STMN2: variants seen among roughly 807,000 people sequenced by gnomAD.
The protein encoded by STMN2 is stathmin 2.
STMN2 carries 2 observed loss-of-function variants against 24.1 expected under a neutral mutation model. The ratio of observed to expected loss-of-function variants is 0.08; its 90% confidence interval spans 0.03 to 0.26. The LOEUF is 0.26. Ranked by LOEUF, STMN2 falls within the 10% of genes least tolerant of loss-of-function variation. The pLI, the probability that STMN2 is intolerant of heterozygous loss-of-function variation, is 1.00. For missense variants in STMN2, 114 were observed against 213.6 expected, an observed-to-expected ratio of 0.53 and a Z score of 2.91; for synonymous variants, 83 against 77.5, an observed-to-expected ratio of 1.07 and a Z score of -0.37.
At position 79,641,360 on chromosome 8, in the gene STMN2, C is replaced by T. The variant is rs764270711; in HGVS notation, c.116-18C>T. 6.2e-7 allele frequency: 1 copy of T among 1,609,450 alleles called. No homozygotes were observed. The highest frequency in any genetic ancestry group is 1.1e-5 in the South Asian group (1 of 90,480). ...GCAAGCTTTGTATGCTTAACATTCT[C>T]AAATGTTCACTTTTCAGATATGGAA... On this transcript the variant is annotated intron_variant, in intron 2 of 4. Coordinates refer to ENST00000220876, the MANE Select transcript of STMN2 (RefSeq NM_007029.4).
intron 2 of STMN2, among the ~76,000 whole-genome samples, chr8:79,638,124 T>C (rs1283525494): frequency 1.3e-5 from 2 of 152,356 alleles, no homozygotes; most frequent in Admixed American, 6.5e-5. Flanking sequence ...GATCCAGCTA[T>C]GTTTCTTATG....
intron 1 of STMN2, among the ~76,000 whole-genome samples, chr8:79,629,029 C>T (rs1162699194): frequency 6.6e-6 from 1 of 152,030 alleles, no homozygotes; most frequent in East Asian, 1.9e-4. Context: ...AGTTTCAAAA[C>T]AAAAAAGCAA....
intron 3 of STMN2, among the ~76,000 whole-genome samples, chr8:79,648,327 CAA>C (rs925796144): frequency 6.6e-6 from 1 of 151,958 alleles, no homozygotes; most frequent in Non-Finnish European, 1.5e-5. Flanking sequence ...AAAGGGTTAG[CAA>C]TTACTATGTG....
intron 1 of STMN2, among the ~76,000 whole-genome samples, chr8:79,616,875 G>T (rs1563432272): frequency 6.6e-6 from 1 of 152,142 alleles, no homozygotes; most frequent in Non-Finnish European, 1.5e-5. Flanking sequence ...TTGGCTCTCT[G>T]TGTGAGCATG....
At chr8:79,644,633 T>C (rs1810179350) in intron 3 of STMN2, among the ~76,000 whole-genome samples, 1 of 152,162 alleles carries the variant, frequency 6.6e-6, no homozygotes, top group African/African-American at 2.4e-5. Flanking sequence ...AATCGAGGTG[T>C]TCTCACAAGA....
intron 1 of STMN2, among the ~76,000 whole-genome samples, chr8:79,632,386 G>T (rs1052480116): frequency 6.6e-6 from 1 of 152,108 alleles, no homozygotes; most frequent in African/African-American, 2.4e-5. Flanking sequence ...AAAAAATGAG[G>T]TTGCATTTAA....
intron 3 of STMN2, among the ~76,000 whole-genome samples, chr8:79,646,569 C>T (rs544014360): frequency 1.8e-4 from 27 of 152,048 alleles, no homozygotes; most frequent in Admixed American, 1.6e-3. Context: ...GCAGCAGGTG[C>T]GGAGGCCCTG....
chr8:79,617,985 T>A (rs71500602), intron 1 of STMN2, among the ~76,000 whole-genome samples: 16,072 of 152,294 alleles, frequency 0.11, 1,169 homozygotes, highest in Non-Finnish European at 0.16. Context: ...TTACTCAAGG[T>A]CACACAGTTA....
chr8:79,634,985 G>A (rs1039048), intron 1 of STMN2, among the ~76,000 whole-genome samples: 3 of 152,018 alleles, frequency 2.0e-5, no homozygotes, highest in African/African-American at 4.8e-5. Context: ...TCACAAGTTA[G>A]TGCACAGTAT....
chr8:79,648,965 G>A (rs1220953649), intron 3 of STMN2, among the ~76,000 whole-genome samples: 1 of 152,162 alleles, frequency 6.6e-6, no homozygotes, highest in Admixed American at 6.5e-5. Context: ...ACTTGAACCA[G>A]TTCAGTGAGA....
At chr8:79,617,315 C>G (rs184427809) in intron 1 of STMN2, among the ~76,000 whole-genome samples, 86 of 152,284 alleles carry the variant, frequency 5.6e-4, no homozygotes, top group Non-Finnish European at 1.1e-3. Context: ...GACCATGCAG[C>G]CATTACCACC....
At chr8:79,637,301 T>C (rs1809987581) in intron 2 of STMN2, among the ~76,000 whole-genome samples, 2 of 152,258 alleles carry the variant, frequency 1.3e-5, no homozygotes, top group Admixed American at 1.3e-4. Flanking sequence ...TGCTTTATTG[T>C]AGTCTTTATA....
intron 3 of STMN2, among the ~76,000 whole-genome samples, chr8:79,652,715 A>G (rs966082098): frequency 5.3e-5 from 8 of 152,096 alleles, no homozygotes; most frequent in Admixed American, 1.3e-4. Flanking sequence ...AATACCTTGC[A>G]AACATTATTT....
intron 1 of STMN2, chr8:79,620,997 C>T (rs904733535): frequency 1.0e-6 from 1 of 985,078 alleles, no homozygotes; most frequent in African/African-American, 1.7e-5. Context: ...CAGGCCAGGA[C>T]AGCATGTGAG....
intron 1 of STMN2, among the ~76,000 whole-genome samples, chr8:79,617,243 A>G (rs958722614): frequency 1.3e-4 from 20 of 152,368 alleles, no homozygotes; most frequent in African/African-American, 4.6e-4. Context: ...TACAGATCAG[A>G]AAGAGGATCT....
intron 1 of STMN2, among the ~76,000 whole-genome samples, 192 bp from the exon 2 acceptor site, chr8:79,636,610 T>C (rs1351296256): frequency 6.6e-6 from 1 of 152,236 alleles, no homozygotes; most frequent in African/African-American, 2.4e-5. Flanking sequence ...TGATCTCCTC[T>C]GCACTAAGGA....
At chr8:79,638,081 C>A (rs987528787) in intron 2 of STMN2, among the ~76,000 whole-genome samples, 3 of 152,170 alleles carry the variant, frequency 2.0e-5, no homozygotes, top group African/African-American at 7.2e-5. Flanking sequence ...TTAGACAGAC[C>A]TTTATTATTT....
intron 1 of STMN2, among the ~76,000 whole-genome samples, chr8:79,628,701 CT>C (rs1328627757): frequency 6.6e-6 from 1 of 152,102 alleles, no homozygotes; most frequent in Non-Finnish European, 1.5e-5. Flanking sequence ...ATTAATATGC[CT>C]TCCTTTGAGA....
chr8:79,645,507 G>A (rs1411319032), intron 3 of STMN2, among the ~76,000 whole-genome samples: 4 of 151,986 alleles, frequency 2.6e-5, no homozygotes, highest in Non-Finnish European at 5.9e-5. Flanking sequence ...GGAAATTTTA[G>A]GCCTAAGTTT....
Sources: gnomAD v4.1 joint callset for allele counts (sites outside exome capture counted in the v4.1 genomes callset) on GRCh38, gnomAD v4.1.1 for gene constraint, MANE v1.5 for transcripts, NCBI Gene and HGNC (gene_info 2026-07-23, HGNC 2026-07-21) for gene names.